The following SYTL4 variants were observed in gnomAD, a reference collection of about 807,000 sequenced individuals.
SYTL4 encodes synaptotagmin like 4.
A neutral mutation model predicts 52.7 loss-of-function variants in SYTL4; 16 were observed. The observed-to-expected ratio is 0.30, with a 90% CI of 0.21 to 0.46. SYTL4 has a LOEUF of 0.46. Among genes scored for constraint, SYTL4 ranks in the 20% least tolerant of loss-of-function variants. The pLI is 1.00. For missense variants in SYTL4, 423 were observed against 519.9 expected (o/e 0.81, Z 1.81); for synonymous variants, 160 against 186.6 (o/e 0.86, Z 1.16).
intron 19 of SYTL4, among the ~76,000 whole-genome samples, chrX:100,678,120 A>G (rs1288394996): frequency 9.0e-6 from 1 of 111,105 alleles, no homozygotes; most frequent in Non-Finnish European, 1.9e-5. Context: ...ACATACATAT[A>G]GGTAGGTTTG....
chrX:100,685,337 T>C (rs1488350247), intron 16 of SYTL4: 2 of 112,217 alleles, frequency 1.8e-5, no homozygotes, highest in Non-Finnish European at 3.8e-5. Flanking sequence ...GTCATGTCAT[T>C]GTGTAGTTCT....
intron 12 of SYTL4, 120 bp from the exon 13 acceptor site, chrX:100,688,563 C>CTTTT (rs746602688): frequency 6.4e-5 from 21 of 326,179 alleles, no homozygotes; most frequent in Non-Finnish European, 7.7e-5. Context: ...ACACATACTT[C>CTTTT]TTTTTTTTTT....
intron 8 of SYTL4, among the ~76,000 whole-genome samples, chrX:100,698,950 CG>C (rs58807937): frequency 9.0e-6 from 1 of 111,497 alleles, no homozygotes; most frequent in African/African-American, 3.3e-5. Flanking sequence ...AGAAAATAAC[CG>C]GGGGGAAGTG....
At chrX:100,723,935 C>A in intron 2 of SYTL4, among the ~76,000 whole-genome samples, 1 of 101,316 alleles carries the variant, frequency 9.9e-6, no homozygotes, top group African/African-American at 3.8e-5. Flanking sequence ...TCAGCCCCCG[C>A]CAGGCCAGCC....
At chrX:100,679,680 C>G (rs1268054516) in intron 17 of SYTL4, among the ~76,000 whole-genome samples, 1 of 111,769 alleles carries the variant, frequency 8.9e-6, no homozygotes, top group Non-Finnish European at 1.9e-5. Flanking sequence ...TCAAAACAAC[C>G]CTAGGAGAGT....
intron 3 of SYTL4, among the ~76,000 whole-genome samples, chrX:100,704,255 C>T (rs1317813619): frequency 1.8e-5 from 2 of 111,953 alleles, no homozygotes; most frequent in African/African-American, 6.5e-5. Context: ...ACAGAGCCAC[C>T]GTGCCCAGCA....
chrX:100,717,760 G>A (rs2084257943), intron 2 of SYTL4, among the ~76,000 whole-genome samples: 1 of 111,995 alleles, frequency 8.9e-6, no homozygotes, highest in Non-Finnish European at 1.9e-5. Flanking sequence ...GAGGGCAGTG[G>A]CACTAGAGAT....
chrX:100,678,528 T>C lies in SYTL4; in HGVS notation c.1730A>G (p.His577Arg). The C allele has an allele frequency of 8.3e-7, 1 of 1,211,365 alleles. No homozygotes were observed. Among genetic ancestry groups the C allele is most frequent in the African/African-American group, 1.7e-5 (1 of 57,748 alleles). ...TPVMKKTLNP[H>R]YNHTFVYNGV... ...ATTGTAGACAAATGTATGGTTGTAG[T>C]GAGGATTCAGGGTCTTCTTCATCAC... The change falls in exon 19 of 20, where the codon CAC becomes CGC. Residue 577 changes from histidine (H) to arginine (R), a missense_variant. Physicochemically the swap from His to Arg is conservative, Grantham distance 29. Transcript: ENST00000372989.
intron 16 of SYTL4, among the ~76,000 whole-genome samples, chrX:100,682,406 A>G (rs113041522): frequency 0.01 from 1,015 of 101,095 alleles, 7 homozygotes; most frequent in African/African-American, 0.034. Flanking sequence ...CTTGCAGGGG[A>G]AAAAAAAAAA....
intron 2 of SYTL4, among the ~76,000 whole-genome samples, chrX:100,723,268 C>A (rs367860781): frequency 4.5e-5 from 5 of 111,744 alleles, no homozygotes; most frequent in Non-Finnish European, 9.4e-5. Flanking sequence ...CGCAGGCGCG[C>A]GCCGCCACGC....
At chrX:100,708,387 C>G (rs2084002403) in intron 2 of SYTL4, among the ~76,000 whole-genome samples, 2 of 111,509 alleles carry the variant, frequency 1.8e-5, no homozygotes, top group African/African-American at 6.5e-5. Flanking sequence ...GATAGTATAA[C>G]AGATGAAAAA....
chrX:100,675,903 C>CAA lies in SYTL4; in HGVS notation c.*124_*125insTT. ...ATACATGTTTGTACACATACACACA[C>CAA]ACACACACACACACACATACACACA... On this transcript the variant is annotated 3_prime_UTR_variant, in exon 20 of 20. Transcript: ENST00000372989. 1 of 602,556 alleles carries CAA rather than the reference C, an allele frequency of 1.7e-6. No individual in the cohort carries two copies. Among genetic ancestry groups the CAA allele is most frequent in the Non-Finnish European group, 2.5e-6 (1 of 405,484 alleles). 49.7% of individuals were successfully genotyped at this position (602,556 alleles called of 1,213,427 possible).
At chrX:100,688,213 G>A in intron 13 of SYTL4, 138 bp downstream of exon 13, 1 of 506,432 alleles carries the variant, frequency 2.0e-6, no homozygotes. Flanking sequence ...ATTGAGGATA[G>A]GAACAAACAA....
At position 100,714,774 on chromosome X, in the gene SYTL4, T is replaced by C. The variant is rs184517232; in HGVS notation, c.-239-9888A>G. ...TTATTTAGTAAGTGCATCCAAACAA[T>C]ATACTTCTTTTATTTTAAAATGTAT... On this transcript the variant is annotated intron_variant, in intron 2 of 19. Transcript: ENST00000372989. Among the ~76,000 whole-genome samples the C allele has an allele frequency of 3.7e-4, 41 of 111,727 alleles. 1 individual carries two copies. Among genetic ancestry groups the C allele is most frequent in the African/African-American group, 1.3e-3 (40 of 30,770 alleles).
At chrX:100,692,461 G>A (rs190095648) in intron 8 of SYTL4, among the ~76,000 whole-genome samples, 2 of 111,584 alleles carry the variant, frequency 1.8e-5, no homozygotes, top group Non-Finnish European at 3.8e-5. Flanking sequence ...CCCTCAGTGG[G>A]ACTGAGATAT....
intron 2 of SYTL4, among the ~76,000 whole-genome samples, chrX:100,719,312 C>A (rs753090683): frequency 9.0e-6 from 1 of 111,599 alleles, no homozygotes; most frequent in African/African-American, 3.3e-5. Context: ...AGGTCACATG[C>A]CCTGTGACAG....
chrX:100,722,169 G>A (rs754971918), intron 2 of SYTL4, among the ~76,000 whole-genome samples: 1 of 110,822 alleles, frequency 9.0e-6, no homozygotes, highest in South Asian at 3.8e-4. Flanking sequence ...GCAAATATCT[G>A]ATTTAAAAAA....
rs57753438 is a variant in SYTL4 at position 100,690,179 on chromosome X, A to C, written c.718-14T>G. ...AGGCTGAGTTTCCTAGGAAGGAACAAGGGCAAGAAAATGGAAAAGAACAGA... is the reference window on the plus strand; with the variant it reads ...AGGCTGAGTTTCCTAGGAAGGAACACGGGCAAGAAAATGGAAAAGAACAGA... On this transcript the variant is annotated splice_polypyrimidine_tract_variant and intron_variant, in intron 10 of 19. Transcript: ENST00000372989. 0.027 allele frequency: 31,562 copies of C among 1,155,181 alleles called. 4,303 individuals carry two copies. In the African/African-American group the frequency reaches 0.45, roughly 16 times the overall value.
At chrX:100,707,166 A>G (rs1277339582) in intron 2 of SYTL4, among the ~76,000 whole-genome samples, 2 of 112,121 alleles carry the variant, frequency 1.8e-5, no homozygotes, top group African/African-American at 3.2e-5. Flanking sequence ...TCAAGCACAT[A>G]TAGAATATTT....
Sources: gnomAD v4.1 joint callset for allele counts (sites outside exome capture counted in the v4.1 genomes callset) on GRCh38, gnomAD v4.1.1 for gene constraint, MANE v1.5 for transcripts, NCBI Gene and HGNC (gene_info 2026-07-23, HGNC 2026-07-21) for gene names.